SLC20A1: variants seen among roughly 807,000 people sequenced by gnomAD.
The protein encoded by SLC20A1 is sodium-dependent phosphate transporter 1.
SLC20A1 carries 28 observed loss-of-function variants against 62.7 expected under a neutral mutation model. The observed-to-expected ratio is 0.45, with a 90% CI of 0.33 to 0.61. The LOEUF (loss-of-function observed/expected upper bound fraction) is 0.61, where lower values mean the gene tolerates loss of function less well. Ranked by LOEUF, SLC20A1 falls within the 20% of genes least tolerant of loss-of-function variation. The pLI is 0.02. For missense variants in SLC20A1, 673 were observed against 838.6 expected (o/e 0.80, Z 2.44); for synonymous variants, 305 against 302.9 (o/e 1.01, Z -0.07).
chr2:112,659,681 C>A lies in SLC20A1; in HGVS notation c.1526C>A (p.Pro509His). The A allele has an allele frequency of 6.2e-7, 1 of 1,614,200 alleles. No individual in the cohort carries two copies. Among genetic ancestry groups the A allele is most frequent in the South Asian group, 1.1e-5 (1 of 91,088 alleles). ...SLEEWYDQDK[P>H]EVSLLFQFLQ... is the part of the protein sequence containing the mutation. The stretch of plus-strand genomic sequence containing the variant: ...GAAGAATGGTATGACCAGGATAAGC[C>A]TGAAGTCTCTCTCCTCTTCCAGTTC... Residue 509 changes from proline to histidine, a missense_variant, in exon 8 of 11, where the codon CCT becomes CAT. Coordinates refer to ENST00000272542, the MANE Select transcript of SLC20A1 (RefSeq NM_005415.5).
chr2:112,647,649 C>A lies in SLC20A1; in HGVS notation c.476-4C>A. 6.2e-7 allele frequency: 1 copy of A among 1,609,872 alleles called. No homozygotes were observed. The highest frequency in any genetic ancestry group is 8.5e-7 in the Non-Finnish European group (1 of 1,176,252). ...ATATTTTTTCTTAATGTGTTCTATT[C>A]CAGTGATGTCTTGGTTCGTGTCCCC... On this transcript the variant is annotated splice_region_variant and splice_polypyrimidine_tract_variant and intron_variant, in intron 3 of 10. Coordinates refer to ENST00000272542, the MANE Select transcript of SLC20A1 (RefSeq NM_005415.5).
chr2:112,653,658 CTCT>C lies in SLC20A1; in HGVS notation c.658+862_658+864del, dbSNP rs201458957. Among the ~76,000 whole-genome samples the C allele has an allele frequency of 7.4e-3, 760 of 102,426 alleles. 4 individuals are homozygous for C. The highest frequency in any genetic ancestry group is 0.018 in the African/African-American group (712 of 38,828). 67.2% of individuals were successfully genotyped at this position (102,426 alleles called of 152,430 possible). A position where few individuals can be genotyped will look rare whatever the true frequency, so the allele number is the denominator to read the frequency against. ...CTATGCACCCATATTTTCAAATTCT[CTCT>C]TTTTTTTTTTCTTAACATTTGTTGT... On this transcript the variant is annotated intron_variant, in intron 5 of 10. Transcript: ENST00000272542.
At chr2:112,658,675 A>C in intron 6 of SLC20A1, 150 bp from the exon 7 acceptor site, 1 of 881,734 alleles carries the variant, frequency 1.1e-6, no homozygotes, top group South Asian at 1.9e-5. Flanking sequence ...CAAATGATAA[A>C]GCAGGCAGGA....
Position 112,646,134 on chromosome 2 carries a change from G to A in SLC20A1, c.-267+5G>A, listed in dbSNP as rs1380300160. 6.6e-6 allele frequency: 1 copy of A among 152,064 alleles called. No homozygotes were observed. The highest frequency in any genetic ancestry group is 1.5e-5 in the Non-Finnish European group (1 of 67,990). 9.4% of individuals were successfully genotyped at this position (152,064 alleles called of 1,614,324 possible). On this transcript the variant is annotated splice_donor_5th_base_variant and intron_variant, in intron 1 of 10. Coordinates refer to ENST00000272542, the MANE Select transcript of SLC20A1 (RefSeq NM_005415.5). ...CTCCGCCCTCCCTTTTCCCTGGTGAGTAGTGGCGCCGCCTCGTAAAGGCTC... is the reference window on the plus strand; with the variant it reads ...CTCCGCCCTCCCTTTTCCCTGGTGAATAGTGGCGCCGCCTCGTAAAGGCTC...
intron 4 of SLC20A1, among the ~76,000 whole-genome samples, chr2:112,651,648 G>C (rs4849092): frequency 0.79 from 120,335 of 152,032 alleles, 48,349 homozygotes; most frequent in East Asian, 1. Flanking sequence ...CCTCATGATT[G>C]TCCTGCCTCG....
In SLC20A1 at chr2:112,647,341, C is replaced by T; in HGVS notation, c.352C>T (p.Leu118Phe). 3 of 1,613,742 alleles carry T rather than the reference C, an allele frequency of 1.9e-6. No homozygotes were observed. Among genetic ancestry groups the T allele is most frequent in the Non-Finnish European group, 2.5e-6 (3 of 1,179,912 alleles). ...TGTTTCAGGTTCTGCTGTGTGGCAA[C>T]TCGTGGCTTCGTTTTTGAAGCTCCC... ...SAMFGSAVWQ[L>F]VASFLKLPIS... Residue 118 changes from leucine (L) to phenylalanine (F), a missense_variant, in exon 3 of 11, where the codon CTC (leucine) becomes TTC (phenylalanine). Coordinates refer to ENST00000272542, the MANE Select transcript of SLC20A1 (RefSeq NM_005415.5).
intron 9 of SLC20A1, chr2:112,660,939 A>G (rs919253169): frequency 5.9e-6 from 3 of 512,534 alleles, no homozygotes; most frequent in Non-Finnish European, 1.0e-5. Context: ...AAAACGTAAA[A>G]CTGGAAGCCT....
In SLC20A1 at chr2:112,646,770, T is replaced by C. The variant is rs1686290817; in HGVS notation, c.-59T>C. ...AGCATTTTTGATACCTCATATTCTG[T>C]TTACACATCTTGAAAGGCGCTCAGT... On this transcript the variant is annotated 5_prime_UTR_variant, in exon 2 of 11. Transcript: ENST00000272542. 8.9e-7 allele frequency: 1 copy of C among 1,124,804 alleles called. No individual in the cohort carries two copies. The highest frequency in any genetic ancestry group is 1.3e-6 in the Non-Finnish European group (1 of 763,946). 69.7% of individuals were successfully genotyped at this position (1,124,804 alleles called of 1,614,324 possible).
Position 112,652,807 on chromosome 2 carries a change from C to T in SLC20A1, c.658+9C>T. ...GTATACTGGAGCACCGTGTAAGTAC[C>T]TATCAAAATATTTAAATGTGAATTT... On this transcript the variant is annotated intron_variant, in intron 5 of 10. Coordinates refer to ENST00000272542, the MANE Select transcript of SLC20A1 (RefSeq NM_005415.5). 6.2e-7 allele frequency: 1 copy of T among 1,611,916 alleles called. No homozygotes were observed. Among genetic ancestry groups the T allele is most frequent in the East Asian group, 2.2e-5 (1 of 44,870 alleles).
At chr2:112,657,621 C>T (rs1686628084) in intron 6 of SLC20A1, among the ~76,000 whole-genome samples, 2 of 152,108 alleles carry the variant, frequency 1.3e-5, no homozygotes, top group African/African-American at 4.8e-5. Flanking sequence ...GGGGTAGATA[C>T]AAGATATTTT....
At chr2:112,650,555 T>A (rs2104642597) in intron 4 of SLC20A1, among the ~76,000 whole-genome samples, 1 of 152,210 alleles carries the variant, frequency 6.6e-6, no homozygotes, top group East Asian at 1.9e-4. Context: ...GGTCTTGAAC[T>A]CCTGACCTCA....
chr2:112,663,125 G>A lies in SLC20A1; in HGVS notation c.*100G>A. On this transcript the variant is annotated 3_prime_UTR_variant, in exon 11 of 11. Transcript: ENST00000272542. ...CAGTGTTAACAGAAGACTGACAAGA[G>A]TCTTTTTATTTGGGAGCCAGAGGAG... is the stretch of plus-strand genomic sequence containing the variant. 7.2e-7 allele frequency: 1 copy of A among 1,390,942 alleles called. No homozygotes were observed. Among genetic ancestry groups the A allele is most frequent in the Non-Finnish European group, 1.0e-6 (1 of 978,006 alleles). The allele number at this position is 1,390,942 out of a possible 1,614,324, so 86.2% of individuals were successfully genotyped here. A position where few individuals can be genotyped will look rare whatever the true frequency, so the allele number is the denominator to read the frequency against.
At chr2:112,656,491 G>A (rs1449519373) in intron 5 of SLC20A1, among the ~76,000 whole-genome samples, 9 of 152,156 alleles carry the variant, frequency 5.9e-5, no homozygotes, top group African/African-American at 1.2e-4. Context: ...ATGAGCCACC[G>A]TGCCTGGCTG....
chr2:112,660,846 ATTTGT>A, intron 9 of SLC20A1: 1 of 308,918 alleles, frequency 3.2e-6, no homozygotes, highest in Non-Finnish European at 5.5e-6. Context: ...CTTGCCTTTT[ATTTGT>A]CTTGGGAGCT....
chr2:112,656,187 ACT>A (rs1686579561), intron 5 of SLC20A1, among the ~76,000 whole-genome samples: 1 of 119,462 alleles, frequency 8.4e-6, no homozygotes, highest in Non-Finnish European at 1.7e-5. Context: ...GAAAGACAAA[ACT>A]TTTTTTTTTT....
At chr2:112,649,076 T>G (rs1686360488) in intron 4 of SLC20A1, among the ~76,000 whole-genome samples, 1 of 152,130 alleles carries the variant, frequency 6.6e-6, no homozygotes, top group Non-Finnish European at 1.5e-5. Flanking sequence ...TGGAGAGGGT[T>G]TGTGTGTTTC....
chr2:112,651,568 C>T (rs1031140982), intron 4 of SLC20A1, among the ~76,000 whole-genome samples: 7 of 151,984 alleles, frequency 4.6e-5, no homozygotes, highest in African/African-American at 1.7e-4. Flanking sequence ...CACATCCGGG[C>T]TAATTTTTTT....
chr2:112,656,453 G>A (rs1161724416), intron 5 of SLC20A1, among the ~76,000 whole-genome samples: 3 of 150,216 alleles, frequency 2.0e-5, no homozygotes, highest in East Asian at 4.0e-4. Flanking sequence ...TGCCTGCCAC[G>A]GCCTCCCAAA....
At chr2:112,648,451 A>G (rs780789786) in intron 4 of SLC20A1, among the ~76,000 whole-genome samples, 24 of 152,342 alleles carry the variant, frequency 1.6e-4, no homozygotes, top group African/African-American at 5.8e-4. Context: ...TTCTCAGGAA[A>G]CAAAGTTGTC....
Sources: gnomAD v4.1 joint callset for allele counts (sites outside exome capture counted in the v4.1 genomes callset) on GRCh38, gnomAD v4.1.1 for gene constraint, MANE v1.5 for transcripts, NCBI Gene and HGNC (gene_info 2026-07-23, HGNC 2026-07-21) for gene names.